ZDHHC20: variants seen among roughly 807,000 people sequenced by gnomAD.
ZDHHC20 encodes the protein zDHHC palmitoyltransferase 20, also known as palmitoyltransferase ZDHHC20.
ZDHHC20 carries 43 observed loss-of-function variants against 57.8 expected under a neutral mutation model. That is an observed-to-expected ratio of 0.74 (90% CI 0.58 to 0.96). ZDHHC20 has a LOEUF of 0.96. ZDHHC20 is among the 40% of genes least tolerant of loss of function. The pLI is 0.00. For missense variants in ZDHHC20, 391 were observed against 441.1 expected (o/e 0.89, Z 1.02); for synonymous variants, 157 against 153.0 (o/e 1.03, Z -0.19).
rs141849741 is a variant in ZDHHC20 at position 21,414,747 on chromosome 13, C to T, written c.250-975G>A. Among the ~76,000 whole-genome samples, 12 of 151,908 alleles carry T rather than the reference C, an allele frequency of 7.9e-5. 2 individuals carry two copies. In the East Asian group the frequency reaches 2.3e-3, roughly 29 times the overall value. On this transcript the variant is annotated intron_variant, in intron 3 of 12. Transcript: ENST00000400590. ...GCCTCTGGTTCGTTTCTCTTAATAG[C>T]ATTTTCCCTTCAGAGTACTTGTTTA...
At chr13:21,429,647 T>C (rs1182293528) in intron 1 of ZDHHC20, among the ~76,000 whole-genome samples, 1 of 152,234 alleles carries the variant, frequency 6.6e-6, no homozygotes, top group Admixed American at 6.5e-5. Context: ...TCGCCAAGTT[T>C]GAAAATTTTA....
At position 21,438,102 on chromosome 13, in the gene ZDHHC20, G is replaced by A. The variant is rs114793783; in HGVS notation, c.119-12424C>T. Among the ~76,000 whole-genome samples the A allele has an allele frequency of 1.2e-3, 182 of 152,306 alleles. 1 individual carries two copies. Among genetic ancestry groups the A allele is most frequent in the African/African-American group, 4.0e-3 (167 of 41,572 alleles). On this transcript the variant is annotated intron_variant, in intron 1 of 12. Coordinates refer to ENST00000400590, the MANE Select transcript of ZDHHC20 (RefSeq NM_001330059.2). ...CACTTTGAAACCCAAGGACTCTGAT[G>A]GAGATGTACAAGGAGATTCATGTTG...
intron 1 of ZDHHC20, among the ~76,000 whole-genome samples, chr13:21,451,276 A>C (rs1278552268): frequency 6.6e-6 from 1 of 152,170 alleles, no homozygotes; most frequent in East Asian, 1.9e-4. Context: ...TGTAACTATA[A>C]TTAGTATTAT....
chr13:21,416,302 G>T (rs1048115735), intron 3 of ZDHHC20, among the ~76,000 whole-genome samples: 3 of 151,778 alleles, frequency 2.0e-5, no homozygotes, highest in African/African-American at 7.3e-5. Context: ...ATGAGGAATG[G>T]AACAAAACAA....
chr13:21,381,398 A>C, intron 11 of ZDHHC20, 36 bp downstream of exon 11: 1 of 1,487,642 alleles, frequency 6.7e-7, no homozygotes, highest in South Asian at 1.1e-5. Context: ...TTTCATTTGA[A>C]CCAGACAAAG....
chr13:21,427,844 A>AAAAC (rs1881445930), intron 1 of ZDHHC20, among the ~76,000 whole-genome samples: 1 of 151,678 alleles, frequency 6.6e-6, no homozygotes, highest in African/African-American at 2.4e-5. Context: ...CAAAAAAAAA[A>AAAAC]AAAAAAAAAA....
intron 4 of ZDHHC20, among the ~76,000 whole-genome samples, chr13:21,407,440 T>C (rs1878601690): frequency 6.6e-6 from 1 of 152,370 alleles, no homozygotes; most frequent in Admixed American, 6.5e-5. Context: ...TTTTGAAAAG[T>C]GTCTGTTCAT....
chr13:21,435,472 C>G (rs1209945422), intron 1 of ZDHHC20, among the ~76,000 whole-genome samples: 6 of 152,092 alleles, frequency 3.9e-5, no homozygotes, highest in African/African-American at 7.2e-5. Flanking sequence ...TCAAAGCACA[C>G]AGAAACAAGA....
At chr13:21,400,629 T>C in intron 6 of ZDHHC20, 136 bp from the exon 7 acceptor site, 2 of 832,840 alleles carry the variant, frequency 2.4e-6, no homozygotes, top group Non-Finnish European at 3.7e-6. Flanking sequence ...AAAATTTCAG[T>C]TTTGCAGGAT....
In ZDHHC20 at chr13:21,375,237, C is replaced by T; in HGVS notation, c.*1459G>A. The T allele has an allele frequency of 2.2e-6, 1 of 451,732 alleles. No homozygotes were observed. The highest frequency in any genetic ancestry group is 1.6e-5 in the South Asian group (1 of 63,694). The allele number at this position is 451,732 out of a possible 1,614,324, so 28.0% of individuals were successfully genotyped here. A position where few individuals can be genotyped will look rare whatever the true frequency, so the allele number is the denominator to read the frequency against. ...CAGTCCAACTTATTCACAACACCCC[C>T]TCCCCTGCAGTCCCATTTTACAGAC... On this transcript the variant is annotated 3_prime_UTR_variant, in exon 13 of 13. Coordinates refer to ENST00000400590, the MANE Select transcript of ZDHHC20 (RefSeq NM_001330059.2).
intron 1 of ZDHHC20, among the ~76,000 whole-genome samples, chr13:21,455,088 T>C (rs993069181): frequency 1.3e-5 from 2 of 152,064 alleles, no homozygotes; most frequent in East Asian, 3.9e-4. Context: ...ACTCGGCTAA[T>C]TTTTTGTATT....
chr13:21,387,920 T>C (rs1430748580), intron 8 of ZDHHC20, among the ~76,000 whole-genome samples: 4 of 152,298 alleles, frequency 2.6e-5, no homozygotes, highest in East Asian at 1.9e-4. Context: ...GCTTTTTTTT[T>C]CTACAAGATA....
intron 1 of ZDHHC20, among the ~76,000 whole-genome samples, chr13:21,437,817 A>G (rs909474187): frequency 2.0e-5 from 3 of 151,770 alleles, no homozygotes; most frequent in African/African-American, 7.3e-5. Context: ...TCAGCCTCCT[A>G]AGTAGGTAGG....
At chr13:21,443,361 T>A (rs536545355) in intron 1 of ZDHHC20, among the ~76,000 whole-genome samples, 1 of 152,316 alleles carries the variant, frequency 6.6e-6, no homozygotes, top group South Asian at 2.1e-4. Context: ...GGGATAGGGT[T>A]CTCATCTTCT....
intron 1 of ZDHHC20, among the ~76,000 whole-genome samples, chr13:21,442,617 T>C (rs999496927): frequency 1.8e-4 from 28 of 152,134 alleles, no homozygotes; most frequent in African/African-American, 6.5e-4. Context: ...TAGCTGGGTG[T>C]GGTGGCATGC....
At chr13:21,430,828 G>C (rs959240518) in intron 1 of ZDHHC20, among the ~76,000 whole-genome samples, 8 of 152,074 alleles carry the variant, frequency 5.3e-5, no homozygotes, top group African/African-American at 1.7e-4. Context: ...AAGGTCCCTA[G>C]CTGATCTGGC....
Position 21,400,426 on chromosome 13 carries a change from A to G in ZDHHC20, c.541T>C (p.Tyr181His). ...FLLFLLYSLL[Y>H]CLFVAATVLE... ...ACTGTTGCAGCCACGAAAAGGCAAT[A>G]TAATAGGGAATACAATAAAAACAGC... Residue 181 changes from tyrosine to histidine, a missense_variant, in exon 7 of 13, where the codon TAT (tyrosine) becomes CAT (histidine). Physicochemically the swap from Tyr to His is moderately conservative, Grantham distance 83. Transcript: ENST00000400590. 1 of 1,602,866 alleles carries G rather than the reference A, an allele frequency of 6.2e-7. No individual in the cohort carries two copies. Among genetic ancestry groups the G allele is most frequent in the Non-Finnish European group, 8.5e-7 (1 of 1,175,502 alleles).
intron 1 of ZDHHC20, among the ~76,000 whole-genome samples, chr13:21,443,960 A>T (rs754972481): frequency 6.6e-6 from 1 of 152,210 alleles, no homozygotes; most frequent in Non-Finnish European, 1.5e-5. Context: ...GTCAGGAGTC[A>T]GCCTGGCCAA....
At chr13:21,417,919 T>G (rs1880202987) in intron 3 of ZDHHC20, among the ~76,000 whole-genome samples, 1 of 152,182 alleles carries the variant, frequency 6.6e-6, no homozygotes, top group Admixed American at 6.5e-5. Flanking sequence ...TACATTAACA[T>G]CAAATTCACA....
Sources: gnomAD v4.1 joint callset for allele counts (sites outside exome capture counted in the v4.1 genomes callset) on GRCh38, gnomAD v4.1.1 for gene constraint, MANE v1.5 for transcripts, NCBI Gene and HGNC (gene_info 2026-07-23, HGNC 2026-07-21) for gene names.